Variants in GABRG3 observed in about 807,000 individuals in gnomAD.
GABRG3 encodes the protein gamma-aminobutyric acid type A receptor subunit gamma3, also known as gamma-aminobutyric acid receptor subunit gamma-3.
GABRG3 carries 25 observed loss-of-function variants against 48.8 expected under a neutral mutation model. The observed-to-expected ratio is 0.51, with a 90% CI of 0.37 to 0.72. GABRG3 has a LOEUF of 0.72. Among genes scored for constraint, GABRG3 ranks in the 30% least tolerant of loss-of-function variants. GABRG3 has a pLI of 0.00. For synonymous variants in GABRG3, 227 were observed against 217.6 expected (o/e 1.04, Z -0.38); for missense variants, 394 against 577.9 (o/e 0.68, Z 3.26).
chr15:27,377,862 T>G (rs1166516113), intron 5 of GABRG3, among the ~76,000 whole-genome samples: 1 of 152,222 alleles, frequency 6.6e-6, no homozygotes, highest in Non-Finnish European at 1.5e-5. Flanking sequence ...TTTCGTGTCT[T>G]ATTCAGCCAA....
chr15:27,014,693 C>T (rs1434128085), intron 2 of GABRG3, among the ~76,000 whole-genome samples: 1 of 152,056 alleles, frequency 6.6e-6, no homozygotes, highest in Admixed American at 6.6e-5. Context: ...ACTAACATGT[C>T]TTCTATCTTT....
intron 3 of GABRG3, among the ~76,000 whole-genome samples, chr15:27,288,059 GT>G (rs1891675492): frequency 6.6e-6 from 1 of 152,064 alleles, no homozygotes; most frequent in Non-Finnish European, 1.5e-5. Context: ...CTTATACACT[GT>G]TAGTTTTGAT....
intron 6 of GABRG3, among the ~76,000 whole-genome samples, chr15:27,495,066 A>C (rs1301699559): frequency 6.6e-6 from 1 of 152,152 alleles, no homozygotes; most frequent in Admixed American, 6.5e-5. Flanking sequence ...TTATCAGTTT[A>C]ATTGTAGTGT....
At chr15:27,071,782 T>G (rs1212212979) in intron 3 of GABRG3, among the ~76,000 whole-genome samples, 3 of 152,258 alleles carry the variant, frequency 2.0e-5, no homozygotes, top group African/African-American at 7.2e-5. Flanking sequence ...ATTTGGGTTG[T>G]TAAGGTATTA....
At chr15:27,084,044 C>T (rs1255737695) in intron 3 of GABRG3, among the ~76,000 whole-genome samples, 1 of 152,192 alleles carries the variant, frequency 6.6e-6, no homozygotes, top group Non-Finnish European at 1.5e-5. Flanking sequence ...GAGACTCAGC[C>T]TCAGGCCTCA....
At chr15:27,526,771 G>A (rs1265442067) in intron 7 of GABRG3, among the ~76,000 whole-genome samples, 1 of 152,156 alleles carries the variant, frequency 6.6e-6, no homozygotes, top group Non-Finnish European at 1.5e-5. Flanking sequence ...TTCATTCGAT[G>A]CAAATCATTC....
intron 6 of GABRG3, among the ~76,000 whole-genome samples, chr15:27,495,417 G>A (rs1367557027): frequency 6.6e-6 from 1 of 152,182 alleles, no homozygotes; most frequent in Admixed American, 6.5e-5. Context: ...TGTGAATGAT[G>A]CTGTTGTGAA....
In GABRG3 at chr15:27,372,977, T is replaced by G. The variant is rs548385879; in HGVS notation, c.574+44089T>G. On this transcript the variant is annotated intron_variant, in intron 5 of 9. Coordinates refer to ENST00000615808, the MANE Select transcript of GABRG3 (RefSeq NM_033223.5). ...CTGTGGCCTCCAGCAAGCTATTTTC[T>G]CAGCTGGTTCAGTTTTCTTCACCTA... Among the ~76,000 whole-genome samples, 7 of 152,352 alleles carry G rather than the reference T, an allele frequency of 4.6e-5. No homozygotes were observed. In the South Asian group the frequency reaches 1.4e-3, roughly 32 times the overall value.
chr15:27,042,906 G>A (rs966774501), intron 3 of GABRG3, among the ~76,000 whole-genome samples: 7 of 152,236 alleles, frequency 4.6e-5, no homozygotes, highest in African/African-American at 1.7e-4. Context: ...CAGACAGTTG[G>A]AGATGCTGTT....
chr15:27,216,766 ATTT>A (rs1889267562), intron 3 of GABRG3, among the ~76,000 whole-genome samples: 1 of 88,296 alleles, frequency 1.1e-5, no homozygotes, highest in African/African-American at 4.7e-5. Flanking sequence ...TTATTTATTT[ATTT>A]ATTTTTTAAT....
intron 3 of GABRG3, among the ~76,000 whole-genome samples, chr15:27,308,166 A>T (rs1187666717): frequency 0.01 from 47 of 4,692 alleles, 11 homozygotes; most frequent in Admixed American, 0.016. Flanking sequence ...ATATAAACAT[A>T]TATGTTTATA....
intron 4 of GABRG3, 78 bp from the exon 5 acceptor site, chr15:27,328,728 C>A: frequency 8.2e-7 from 1 of 1,222,092 alleles, no homozygotes; most frequent in Non-Finnish European, 1.2e-6. Context: ...TCTCCATCCC[C>A]ACATGGGGTG....
chr15:27,388,274 GGTAA>G (rs1444259747), intron 5 of GABRG3, among the ~76,000 whole-genome samples: 1,106 of 58,672 alleles, frequency 0.019, 287 homozygotes, highest in Middle Eastern at 0.042. Flanking sequence ...AGGGAGGGAG[GGTAA>G]GGAAGGAAGG....
intron 3 of GABRG3, among the ~76,000 whole-genome samples, chr15:27,259,526 C>T (rs901528109): frequency 1.3e-5 from 2 of 152,150 alleles, no homozygotes; most frequent in Non-Finnish European, 2.9e-5. Context: ...GCAAAGAAAT[C>T]ATTATTTCCT....
intron 3 of GABRG3, among the ~76,000 whole-genome samples, chr15:27,270,773 G>A (rs1306639486): frequency 6.6e-6 from 1 of 152,130 alleles, no homozygotes; most frequent in East Asian, 1.9e-4. Flanking sequence ...TGATAGATAT[G>A]GTCACGATCC....
chr15:27,346,714 TTCTACTGATGA>T (rs1179070152), intron 5 of GABRG3, among the ~76,000 whole-genome samples: 2 of 152,186 alleles, frequency 1.3e-5, no homozygotes, highest in Admixed American at 1.3e-4. Flanking sequence ...GCTGTGTCAA[TTCTACTGATGA>T]CCCCTCCTGC....
At chr15:27,485,921 G>A (rs893587769) in intron 6 of GABRG3, among the ~76,000 whole-genome samples, 2 of 152,204 alleles carry the variant, frequency 1.3e-5, no homozygotes, top group African/African-American at 2.4e-5. Flanking sequence ...TCTCTCCTTT[G>A]TGTAAAACCT....
chr15:27,307,420 CATAT>C (rs1462009654), intron 3 of GABRG3, among the ~76,000 whole-genome samples: 33 of 73,214 alleles, frequency 4.5e-4, no homozygotes, highest in African/African-American at 5.4e-4. Flanking sequence ...TATATATAAA[CATAT>C]AGGTTTATAT....
chr15:27,116,682 GA>G (rs1662526652), intron 3 of GABRG3, among the ~76,000 whole-genome samples: 1 of 152,186 alleles, frequency 6.6e-6, no homozygotes, highest in African/African-American at 2.4e-5. Flanking sequence ...ATAGTATTAA[GA>G]GGGGGGCCTT....
Sources: gnomAD v4.1 joint callset for allele counts (sites outside exome capture counted in the v4.1 genomes callset) on GRCh38, gnomAD v4.1.1 for gene constraint, MANE v1.5 for transcripts, NCBI Gene and HGNC (gene_info 2026-07-23, HGNC 2026-07-21) for gene names.